EXOC4: variants seen among roughly 807,000 people sequenced by gnomAD.
The protein encoded by EXOC4 is exocyst complex component 4.
Under a neutral mutation model 107.2 loss-of-function variants are expected in EXOC4, and 71 were observed. The ratio of observed to expected loss-of-function variants is 0.66; its 90% confidence interval spans 0.55 to 0.81. The LOEUF (loss-of-function observed/expected upper bound fraction) is 0.81, where lower values mean the gene tolerates loss of function less well. Ranked by LOEUF, EXOC4 falls within the 30% of genes least tolerant of loss-of-function variation. EXOC4 has a pLI of 0.00. For missense variants in EXOC4, 1,108 were observed against 1,189.6 expected, an observed-to-expected ratio of 0.93 and a Z score of 1.01; for synonymous variants, 456 against 441.2, an observed-to-expected ratio of 1.03 and a Z score of -0.42.
At chr7:133,580,421 A>G (rs567116647) in intron 9 of EXOC4, among the ~76,000 whole-genome samples, 1 of 152,260 alleles carries the variant, frequency 6.6e-6, no homozygotes, top group Admixed American at 6.5e-5. Context: ...GGATCTCCCT[A>G]CTGTTTTCCA....
At chr7:133,313,333 C>A (rs538462587) in intron 4 of EXOC4, among the ~76,000 whole-genome samples, 1 of 152,076 alleles carries the variant, frequency 6.6e-6, no homozygotes, top group Non-Finnish European at 1.5e-5. Context: ...ATTATGCCAG[C>A]CATTCCTGTT....
At chr7:133,972,249 C>T (rs528562361) in intron 14 of EXOC4, among the ~76,000 whole-genome samples, 27 of 152,252 alleles carry the variant, frequency 1.8e-4, no homozygotes, top group African/African-American at 6.5e-4. Context: ...AGAAATTTTA[C>T]CCTGCTTCTT....
intron 11 of EXOC4, among the ~76,000 whole-genome samples, chr7:133,865,271 G>T (rs1798613117): frequency 6.6e-6 from 1 of 152,034 alleles, no homozygotes; most frequent in Non-Finnish European, 1.5e-5. Context: ...CATTGGCAGT[G>T]CATTGAAACA....
chr7:133,861,781 G>T (rs1484498946), intron 11 of EXOC4, among the ~76,000 whole-genome samples: 1 of 152,162 alleles, frequency 6.6e-6, no homozygotes, highest in Non-Finnish European at 1.5e-5. Context: ...TGATTCACCT[G>T]TCTGGGCCTC....
At chr7:133,752,613 TA>T (rs1198964194) in intron 10 of EXOC4, among the ~76,000 whole-genome samples, 1 of 152,112 alleles carries the variant, frequency 6.6e-6, no homozygotes, top group Non-Finnish European at 1.5e-5. Flanking sequence ...AAATGAACAT[TA>T]AAAAAGTGGT....
intron 10 of EXOC4, among the ~76,000 whole-genome samples, chr7:133,697,787 T>TGATA (rs373991744): frequency 2.0e-5 from 3 of 152,288 alleles, no homozygotes; most frequent in African/African-American, 7.2e-5. Context: ...TAACCCGACT[T>TGATA]GATAGGACCA....
chr7:133,634,434 C>G (rs1408290827), intron 10 of EXOC4, among the ~76,000 whole-genome samples: 1 of 151,922 alleles, frequency 6.6e-6, no homozygotes, highest in Non-Finnish European at 1.5e-5. Context: ...AAGACATTGT[C>G]TGTAATTAAA....
intron 9 of EXOC4, among the ~76,000 whole-genome samples, chr7:133,611,871 A>T (rs955203739): frequency 5.9e-5 from 9 of 152,202 alleles, no homozygotes; most frequent in Non-Finnish European, 1.3e-4. Context: ...ATAACACAGA[A>T]GACAATTTGT....
intron 5 of EXOC4, among the ~76,000 whole-genome samples, chr7:133,336,816 C>T (rs1795527463): frequency 6.6e-6 from 1 of 151,970 alleles, no homozygotes; most frequent in African/African-American, 2.4e-5. Context: ...TCACTGCAAC[C>T]TCCGCCTCCC....
intron 10 of EXOC4, among the ~76,000 whole-genome samples, chr7:133,776,138 G>T (rs1796340714): frequency 6.6e-6 from 1 of 152,094 alleles, no homozygotes; most frequent in Non-Finnish European, 1.5e-5. Flanking sequence ...TGATTTTAAA[G>T]AATAGGTTAG....
intron 9 of EXOC4, among the ~76,000 whole-genome samples, chr7:133,482,681 G>A (rs140759189): frequency 6.6e-6 from 1 of 152,184 alleles, no homozygotes; most frequent in East Asian, 1.9e-4. Context: ...TTCTCTAAAT[G>A]GGAATAAAAG....
At chr7:133,572,983 A>C (rs141329114) in intron 9 of EXOC4, among the ~76,000 whole-genome samples, 1 of 152,242 alleles carries the variant, frequency 6.6e-6, no homozygotes, top group Non-Finnish European at 1.5e-5. Context: ...ACCAGAAAGC[A>C]CTATCCAGAT....
intron 7 of EXOC4, among the ~76,000 whole-genome samples, chr7:133,440,806 T>G (rs960448236): frequency 6.6e-6 from 1 of 152,204 alleles, no homozygotes; most frequent in African/African-American, 2.4e-5. Flanking sequence ...AGGGGAGAGA[T>G]GAATAATCTA....
intron 13 of EXOC4, among the ~76,000 whole-genome samples, chr7:133,933,884 C>G (rs570110450): frequency 6.6e-6 from 1 of 152,154 alleles, no homozygotes; most frequent in African/African-American, 2.4e-5. Flanking sequence ...TTCACTAAAA[C>G]GTGAAGTTGT....
chr7:133,548,589 A>T (rs984568496), intron 9 of EXOC4, among the ~76,000 whole-genome samples: 1 of 152,224 alleles, frequency 6.6e-6, no homozygotes, highest in Admixed American at 6.5e-5. Flanking sequence ...TAGCTTCTAC[A>T]TTAGCACTTG....
intron 10 of EXOC4, among the ~76,000 whole-genome samples, chr7:133,766,090 A>G (rs1344722457): frequency 8.6e-5 from 13 of 152,002 alleles, no homozygotes; most frequent in Admixed American, 5.9e-4. Flanking sequence ...GCATTCTCCA[A>G]CGCCCCTCCT....
At chr7:133,941,677 T>C (rs931226557) in intron 14 of EXOC4, among the ~76,000 whole-genome samples, 3 of 152,134 alleles carry the variant, frequency 2.0e-5, no homozygotes, top group African/African-American at 7.2e-5. Flanking sequence ...TGTTTCTGCT[T>C]AAGATTCTTT....
In EXOC4 at chr7:133,755,262, T is replaced by C. The variant is rs867668495; in HGVS notation, c.1515-62063T>C. On this transcript the variant is annotated intron_variant, in intron 10 of 17. Coordinates refer to ENST00000253861, the MANE Select transcript of EXOC4 (RefSeq NM_021807.4). ...ATATATAATATATATATTATATATATATTATATATATTATATATATTATAT... is the reference window on the plus strand; with the variant it reads ...ATATATAATATATATATTATATATACATTATATATATTATATATATTATAT... 7.0e-5 allele frequency among the ~76,000 whole-genome samples: 8 copies of C among 114,040 alleles called. No homozygotes were observed. The South Asian group carries it at 9.9e-4, about 14-fold the overall frequency. The allele number at this position is 114,040 out of a possible 152,430, so 74.8% of individuals were successfully genotyped here.
At chr7:134,044,522 C>G (rs569227177) in intron 17 of EXOC4, among the ~76,000 whole-genome samples, 1 of 152,304 alleles carries the variant, frequency 6.6e-6, no homozygotes, top group Admixed American at 6.5e-5. Context: ...ACATCTGTAT[C>G]TGCTGAGATC....
Sources: gnomAD v4.1 joint callset for allele counts (sites outside exome capture counted in the v4.1 genomes callset) on GRCh38, gnomAD v4.1.1 for gene constraint, MANE v1.5 for transcripts, NCBI Gene and HGNC (gene_info 2026-07-23, HGNC 2026-07-21) for gene names.